SAMHD1: variants seen among roughly 807,000 people sequenced by gnomAD.
The protein encoded by SAMHD1 is deoxynucleoside triphosphate triphosphohydrolase SAMHD1.
In SAMHD1, 54 loss-of-function variants were observed where a neutral mutation model predicts 79.6. The observed-to-expected ratio is 0.68, with a 90% confidence interval of 0.55 to 0.85. SAMHD1 has a LOEUF of 0.85. Among genes scored for constraint, SAMHD1 ranks in the 40% least tolerant of loss-of-function variants. The probability of loss-of-function intolerance (pLI) is 0.00; values close to 1 mark genes in which losing one functional copy is unlikely to be tolerated. For missense variants in SAMHD1, 663 were observed against 782.7 expected (o/e 0.85, Z 1.82); for synonymous variants, 260 against 264.1 (o/e 0.98, Z 0.15).
chr20:36,931,990 A>C (rs2063570636), intron 4 of SAMHD1, among the ~76,000 whole-genome samples: 1 of 152,044 alleles, frequency 6.6e-6, no homozygotes, highest in African/African-American at 2.4e-5. Context: ...CATAAACAAA[A>C]AAAAGAGGGC....
At chr20:36,935,778 C>T (rs1234448137) in intron 3 of SAMHD1, among the ~76,000 whole-genome samples, 10 of 152,088 alleles carry the variant, frequency 6.6e-5, no homozygotes, top group Non-Finnish European at 1.3e-4. Flanking sequence ...ACTATGTTGG[C>T]CAGGCTGGCC....
intron 3 of SAMHD1, among the ~76,000 whole-genome samples, chr20:36,935,614 A>C (rs1231007691): frequency 6.7e-6 from 1 of 149,290 alleles, no homozygotes; most frequent in Non-Finnish European, 1.5e-5. Flanking sequence ...TGTGTTACCC[A>C]GGCTGGAGTG....
chr20:36,919,063 G>A (rs772853456), intron 7 of SAMHD1, among the ~76,000 whole-genome samples: 8 of 152,120 alleles, frequency 5.3e-5, no homozygotes, highest in Non-Finnish European at 1.0e-4. Context: ...TTGAGCCTGG[G>A]AGGTGGAAGT....
At chr20:36,934,576 A>G (rs1164122296) in intron 4 of SAMHD1, 1 of 150,616 alleles carries the variant, frequency 6.6e-6, no homozygotes, top group Admixed American at 6.6e-5. Flanking sequence ...AAATAAGGAC[A>G]TTATCATCAT....
At chr20:36,893,467 G>T in intron 15 of SAMHD1, 1 of 287,024 alleles carries the variant, frequency 3.5e-6, no homozygotes. Context: ...CTACAAGATG[G>T]CAAAGAAGGG....
At position 36,947,547 on chromosome 20, in the gene SAMHD1, G is replaced by A. The variant is rs1485235535; in HGVS notation, c.209-743C>T. ...AAGCACTCAATACTCTGATTTGGAAGAGGGGTGTGTGTGTGTGTGTGTGTG... is the reference window on the plus strand; with the variant it reads ...AAGCACTCAATACTCTGATTTGGAAAAGGGGTGTGTGTGTGTGTGTGTGTG... On this transcript the variant is annotated intron_variant, in intron 1 of 15. Coordinates refer to ENST00000646673, the MANE Select transcript of SAMHD1 (RefSeq NM_015474.4). Among the ~76,000 whole-genome samples the A allele has an allele frequency of 1.5e-3, 87 of 57,748 alleles. 3 individuals carry two copies. The highest frequency in any genetic ancestry group is 0.01 in the African/African-American group (80 of 7,886). The allele number at this position is 57,748 out of a possible 152,430, so 37.9% of individuals were successfully genotyped here.
rs570729537 is a variant in SAMHD1 at position 36,901,391 on chromosome 20, A to G, written c.1503+2766T>C. On this transcript the variant is annotated intron_variant, in intron 13 of 15. Transcript: ENST00000646673. ...CAGCAAGGCATGATCATGCCACTGC[A>G]CTTCAGCCTGGGGCACAGAGAGAGA... Among the ~76,000 whole-genome samples the G allele has an allele frequency of 2.0e-5, 3 of 152,288 alleles. No individual in the cohort carries two copies. In the East Asian group the frequency reaches 5.8e-4, roughly 29 times the overall value.
At chr20:36,927,687 A>G (rs981035624) in intron 5 of SAMHD1, among the ~76,000 whole-genome samples, 45 of 152,278 alleles carry the variant, frequency 3.0e-4, no homozygotes, top group African/African-American at 1.1e-3. Context: ...AAATACAATC[A>G]CAAAAAGGGA....
chr20:36,918,298 C>T (rs999458709), intron 7 of SAMHD1, among the ~76,000 whole-genome samples: 4 of 151,738 alleles, frequency 2.6e-5, no homozygotes, highest in African/African-American at 7.3e-5. Context: ...ATTTACATTC[C>T]AAACAAAGTT....
chr20:36,900,093 CAAA>C (rs376368527), intron 13 of SAMHD1, among the ~76,000 whole-genome samples: 1 of 108,718 alleles, frequency 9.2e-6, no homozygotes, highest in Non-Finnish European at 1.8e-5. Flanking sequence ...GACTCCGTCT[CAAA>C]AAAAAAAAAA....
At chr20:36,923,290 CG>C (rs1347200597) in intron 6 of SAMHD1, among the ~76,000 whole-genome samples, 2 of 152,064 alleles carry the variant, frequency 1.3e-5, no homozygotes, top group African/African-American at 2.4e-5. Context: ...CGAGCCACCA[CG>C]CCTGGCCAAG....
chr20:36,913,583 A>G (rs1021265806), intron 9 of SAMHD1, among the ~76,000 whole-genome samples: 2 of 150,372 alleles, frequency 1.3e-5, no homozygotes, highest in Non-Finnish European at 3.0e-5. Flanking sequence ...AGTCTGGGTG[A>G]CAGAGCAAGA....
At chr20:36,946,645 G>A (rs2063688260) in intron 2 of SAMHD1, 93 bp downstream of exon 2, 1 of 902,016 alleles carries the variant, frequency 1.1e-6, no homozygotes, top group Non-Finnish European at 1.8e-6. Flanking sequence ...GATTTAAAAT[G>A]AGGACAGTTT....
chr20:36,932,034 C>T (rs1361296866), intron 4 of SAMHD1, among the ~76,000 whole-genome samples: 1 of 151,836 alleles, frequency 6.6e-6, no homozygotes, highest in Admixed American at 6.6e-5. Context: ...AATCCCAGCA[C>T]TTTGGGAGGC....
In SAMHD1 at chr20:36,937,141, A is replaced by T. The variant is rs63416061; in HGVS notation, c.349-1952T>A. The stretch of plus-strand genomic sequence containing the variant: ...GGGCAACAGAGTGAGACTCTATCTC[A>T]AAAAAAAAAAAAAAAAAGATTCATT... On this transcript the variant is annotated intron_variant, in intron 3 of 15. Coordinates refer to ENST00000646673, the MANE Select transcript of SAMHD1 (RefSeq NM_015474.4). 1.1e-4 allele frequency among the ~76,000 whole-genome samples: 4 copies of T among 35,988 alleles called. No individual in the cohort carries two copies. The African/African-American group carries it at 1.5e-3, about 13-fold the overall frequency. The allele number at this position is 35,988 out of a possible 152,430, so 23.6% of individuals were successfully genotyped here. A position where few individuals can be genotyped will look rare whatever the true frequency, so the allele number is the denominator to read the frequency against.
intron 3 of SAMHD1, among the ~76,000 whole-genome samples, chr20:36,937,926 T>C (rs1387161108): frequency 6.7e-6 from 1 of 150,360 alleles, no homozygotes; most frequent in Non-Finnish European, 1.5e-5. Context: ...GGCGTGATCA[T>C]GGCTCACTGA....
intron 6 of SAMHD1, among the ~76,000 whole-genome samples, chr20:36,921,567 T>C (rs923789679): frequency 2.6e-5 from 4 of 151,972 alleles, no homozygotes; most frequent in Non-Finnish European, 4.4e-5. Context: ...TGATACACTA[T>C]GAAGGATGCA....
intron 10 of SAMHD1, 176 bp from the exon 11 acceptor site, chr20:36,911,509 C>T (rs1220900614): frequency 1.6e-6 from 1 of 608,238 alleles, no homozygotes; most frequent in Non-Finnish European, 3.0e-6. Flanking sequence ...AGCTGCCATG[C>T]TTACTGTGTT....
intron 11 of SAMHD1, among the ~76,000 whole-genome samples, chr20:36,908,698 GGGTTGGTAAT>G (rs2063419508): frequency 6.6e-6 from 1 of 152,020 alleles, no homozygotes; most frequent in African/African-American, 2.4e-5. Flanking sequence ...AATCTGCAAG[GGGTTGGTAAT>G]TTTAAAAACT....
Sources: allele counts gnomAD v4.1 joint callset (sites outside exome capture counted in the v4.1 genomes callset), GRCh38; gene constraint gnomAD v4.1.1; transcripts MANE v1.5; gene names NCBI Gene and HGNC (gene_info 2026-07-23, HGNC 2026-07-21).